MAP2K5: variants seen among roughly 807,000 people sequenced by gnomAD.
MAP2K5 encodes the protein mitogen-activated protein kinase kinase 5.
Under a neutral mutation model 83.1 loss-of-function variants are expected in MAP2K5, and 49 were observed. That is an observed-to-expected ratio of 0.59 (90% confidence interval 0.47 to 0.75). The LOEUF (loss-of-function observed/expected upper bound fraction) is 0.75. MAP2K5 is among the 30% of genes least tolerant of loss of function. MAP2K5 has a pLI of 0.00. For synonymous variants in MAP2K5, 202 were observed against 191.8 expected, an observed-to-expected ratio of 1.05 and a Z score of -0.44; for missense variants, 457 against 557.5, an observed-to-expected ratio of 0.82 and a Z score of 1.82.
At position 67,587,130 on chromosome 15, in the gene MAP2K5, A is replaced by C. The variant is rs1340422510; in HGVS notation, c.431+217A>C. ...GTGACGTTTCTGTTTTGACCTGAAG[A>C]AGCAGAGAAGGGCGTTTCAGACGGA... On this transcript the variant is annotated intron_variant, in intron 6 of 21. Coordinates refer to ENST00000178640, the MANE Select transcript of MAP2K5 (RefSeq NM_145160.3). The surrounding 1 kb of genome is among the most constrained non-coding windows in gnomAD (Gnocchi z 4.8). 6.6e-6 allele frequency among the ~76,000 whole-genome samples: 1 copy of C among 152,124 alleles called. No individual in the cohort carries two copies. Among genetic ancestry groups the C allele is most frequent in the African/African-American group, 2.4e-5 (1 of 41,426 alleles).
intron 13 of MAP2K5, among the ~76,000 whole-genome samples, chr15:67,673,615 T>C (rs2087602580): frequency 6.6e-6 from 1 of 152,122 alleles, no homozygotes; most frequent in Non-Finnish European, 1.5e-5. Flanking sequence ...TAGGGAATGA[T>C]TATTTTCTGG....
Position 67,783,982 on chromosome 15 carries a change from AT to A in MAP2K5, c.1242+11232del, listed in dbSNP as rs1469627017. On this transcript the variant is annotated intron_variant, in intron 21 of 21. Coordinates refer to ENST00000178640, the MANE Select transcript of MAP2K5 (RefSeq NM_145160.3). The surrounding 1 kb of genome is among the most constrained non-coding windows in gnomAD (Gnocchi z 5.1). The stretch of plus-strand genomic sequence containing the variant: ...CAAACTTGAAGAGATTGAAGTAACA[AT>A]TGCACCTAACTTGGGGCTGAAGATG... Among the ~76,000 whole-genome samples the A allele has an allele frequency of 1.3e-5, 2 of 152,250 alleles. No homozygotes were observed. Among genetic ancestry groups the A allele is most frequent in the Non-Finnish European group, 2.9e-5 (2 of 68,042 alleles).
rs148489627 is a variant in MAP2K5, at chr15:67,735,714, G to A, written c.1074+7769G>A. On this transcript the variant is annotated intron_variant, in intron 17 of 21. Transcript: ENST00000178640. The stretch of plus-strand genomic sequence containing the variant: ...GCTGACGCTTGAGCCGAGGCTCTGA[G>A]GCAAGAAGGATGGGACCATGATTCC... Among the ~76,000 whole-genome samples, 230 of 152,306 alleles carry A rather than the reference G, an allele frequency of 1.5e-3. 2 individuals are homozygous for A. The highest frequency in any genetic ancestry group is 2.6e-3 in the Non-Finnish European group (177 of 68,022).
intron 12 of MAP2K5, among the ~76,000 whole-genome samples, chr15:67,660,682 C>A (rs976302805): frequency 3.9e-5 from 6 of 152,068 alleles, no homozygotes; most frequent in Admixed American, 3.9e-4. Context: ...AATATTATGT[C>A]ATTTAGCCTT....
At chr15:67,610,588 G>A (rs1015273227) in intron 8 of MAP2K5, among the ~76,000 whole-genome samples, 8 of 152,044 alleles carry the variant, frequency 5.3e-5, no homozygotes, top group South Asian at 2.1e-4. Context: ...GGCATTTACC[G>A]CGTATAACTT....
At chr15:67,597,819 A>T (rs1163582523) in intron 7 of MAP2K5, among the ~76,000 whole-genome samples, 3 of 152,208 alleles carry the variant, frequency 2.0e-5, no homozygotes, top group East Asian at 3.9e-4. Context: ...TCCCCCCCAA[A>T]TTTTTTTACA....
Position 67,603,132 on chromosome 15 carries a change from C to T in MAP2K5, c.545+2383C>T, listed in dbSNP as rs1185216508. Among the ~76,000 whole-genome samples, 17 of 152,158 alleles carry T rather than the reference C, an allele frequency of 1.1e-4. 1 individual carries two copies. The highest frequency in any genetic ancestry group is 1.1e-3 in the Admixed American group (17 of 15,270). On this transcript the variant is annotated intron_variant, in intron 8 of 21. Coordinates refer to ENST00000178640, the MANE Select transcript of MAP2K5 (RefSeq NM_145160.3). ...CCATATTTAAGTGTATAGTTAGTGG[C>T]ATTAAGTACATTCACATTGTTGGCA...
chr15:67,611,583 G>T (rs2085925847), intron 8 of MAP2K5, among the ~76,000 whole-genome samples: 1 of 152,094 alleles, frequency 6.6e-6, no homozygotes, highest in Non-Finnish European at 1.5e-5. Flanking sequence ...TTCATGTTAT[G>T]GCCCCAGCTG....
At chr15:67,681,712 A>G (rs1426008863) in intron 13 of MAP2K5, among the ~76,000 whole-genome samples, 1 of 152,204 alleles carries the variant, frequency 6.6e-6, no homozygotes, top group Admixed American at 6.5e-5. Flanking sequence ...CTTTTTCACT[A>G]AAGGTTTATG....
In MAP2K5 at chr15:67,768,645, C is replaced by T. The variant is rs938405827; in HGVS notation, c.1135-957C>T. Among the ~76,000 whole-genome samples, 2 of 151,988 alleles carry T rather than the reference C, an allele frequency of 1.3e-5. No individual in the cohort carries two copies. Among genetic ancestry groups the T allele is most frequent in the Admixed American group, 6.6e-5 (1 of 15,240 alleles). On this transcript the variant is annotated intron_variant, in intron 19 of 21. Coordinates refer to ENST00000178640, the MANE Select transcript of MAP2K5 (RefSeq NM_145160.3). This position sits in a 1 kb window ranked among gnomAD's most constrained non-coding sequence, Gnocchi z 4.0. ...GGATGTCAGGGAGGAAAAAAGCCGCCGAAAGGTATTTTTAATAGCAAATGA... is the reference window on the plus strand; with the variant it reads ...GGATGTCAGGGAGGAAAAAAGCCGCTGAAAGGTATTTTTAATAGCAAATGA...
intron 1 of MAP2K5, among the ~76,000 whole-genome samples, chr15:67,544,710 G>A (rs1426978260): frequency 6.6e-6 from 1 of 152,222 alleles, no homozygotes; most frequent in Admixed American, 6.5e-5. Context: ...CAAGTTAAGA[G>A]TGGGCAAGGT....
chr15:67,591,949 T>A (rs1039662923), intron 6 of MAP2K5, among the ~76,000 whole-genome samples: 1 of 151,554 alleles, frequency 6.6e-6, no homozygotes, highest in Admixed American at 6.6e-5. Flanking sequence ...CCCAGCTTAC[T>A]AAAAATACAA....
chr15:67,601,197 AT>A (rs2141027002), intron 8 of MAP2K5, among the ~76,000 whole-genome samples: 1 of 152,094 alleles, frequency 6.6e-6, no homozygotes, highest in East Asian at 1.9e-4. Context: ...TTCCTGTTGT[AT>A]TTTCTTCTCT....
chr15:67,726,742 C>T (rs1596865028), intron 16 of MAP2K5, among the ~76,000 whole-genome samples: 1 of 152,144 alleles, frequency 6.6e-6, no homozygotes, highest in African/African-American at 2.4e-5. Context: ...TGGGTTGATG[C>T]TCTCTTAGAT....
chr15:67,662,430 C>A (rs2141148913), intron 12 of MAP2K5, among the ~76,000 whole-genome samples: 1 of 152,206 alleles, frequency 6.6e-6, no homozygotes, highest in East Asian at 1.9e-4. Context: ...TCCTGACTTA[C>A]CCAGAATTCT....
Position 67,543,233 on chromosome 15 carries a change from CTG to C in MAP2K5, c.-101_-100del. 8.3e-7 allele frequency: 1 copy of C among 1,200,064 alleles called. No individual in the cohort carries two copies. The highest frequency in any genetic ancestry group is 1.5e-5 in the African/African-American group (1 of 67,300). 74.3% of individuals were successfully genotyped at this position (1,200,064 alleles called of 1,614,324 possible). ...TCCTCCATTCCCTTGTTTTCACCCT[CTG>C]TCCTCTGCCCGTCACTCCCCTTGTC... On this transcript the variant is annotated 5_prime_UTR_variant, in exon 1 of 22. Coordinates refer to ENST00000178640, the MANE Select transcript of MAP2K5 (RefSeq NM_145160.3). This position sits in a 1 kb window ranked among gnomAD's most constrained non-coding sequence, Gnocchi z 4.3.
intron 7 of MAP2K5, among the ~76,000 whole-genome samples, chr15:67,599,021 C>T (rs1596625017): frequency 6.6e-6 from 1 of 152,322 alleles, no homozygotes; most frequent in Admixed American, 6.5e-5. Context: ...CTGCTATTTA[C>T]GTTTCCTTCA....
intron 17 of MAP2K5, among the ~76,000 whole-genome samples, chr15:67,742,098 G>A (rs990559943): frequency 1.3e-5 from 2 of 152,068 alleles, no homozygotes; most frequent in East Asian, 3.9e-4. Context: ...GTTTTACCAT[G>A]TTAGCCAGGA....
Position 67,793,883 on chromosome 15 carries a change from C to T in MAP2K5, c.1243-12763C>T, listed in dbSNP as rs565012296. 1.2e-4 allele frequency among the ~76,000 whole-genome samples: 18 copies of T among 152,270 alleles called. No individual in the cohort carries two copies. The South Asian group carries it at 3.7e-3, about 32-fold the overall frequency. ...GAGGACCAAAGAGTCATGAATGTGC[C>T]AGGGAAAGTCCTTAGGTTCTAAAAC... On this transcript the variant is annotated intron_variant, in intron 21 of 21. Coordinates refer to ENST00000178640, the MANE Select transcript of MAP2K5 (RefSeq NM_145160.3). This position sits in a 1 kb window ranked among gnomAD's most constrained non-coding sequence, Gnocchi z 4.6.
Sources: gnomAD v4.1 joint callset for allele counts (sites outside exome capture counted in the v4.1 genomes callset) on GRCh38, gnomAD v4.1.1 for gene constraint, Gnocchi (gnomAD v3.1) non-coding constraint, MANE v1.5 for transcripts, NCBI Gene and HGNC (gene_info 2026-07-23, HGNC 2026-07-21) for gene names.